TTYH2: variants seen among roughly 807,000 people sequenced by gnomAD.
TTYH2 encodes protein tweety homolog 2.
TTYH2 carries 49 observed loss-of-function variants against 68.3 expected under a neutral mutation model. That is an observed-to-expected ratio of 0.72 (90% CI 0.57 to 0.91). The LOEUF (loss-of-function observed/expected upper bound fraction) is 0.91. TTYH2 is among the 40% of genes least tolerant of loss of function. The probability of loss-of-function intolerance (pLI) is 0.00; values close to 1 mark genes in which losing one functional copy is unlikely to be tolerated. For missense variants in TTYH2, 631 were observed against 700.4 expected, an observed-to-expected ratio of 0.90 and a Z score of 1.12; for synonymous variants, 272 against 300.8, an observed-to-expected ratio of 0.90 and a Z score of 0.99.
Position 74,237,339 on chromosome 17 carries a change from C to G in TTYH2, c.460C>G (p.Leu154Val), listed in dbSNP as rs978563521. Residue 154 changes from leucine (L) to valine (V), a missense_variant, in exon 4 of 14, where the codon CTG becomes GTG. By Grantham distance (32) the Leu-to-Val change is conservative. Transcript: ENST00000269346. ...QKMKVDLEQH[L>V]ARLSEIFAAR... ...GATGAAGGTGGACCTAGAGCAGCAC[C>G]TGGCCCGGCTCAGTGAGATCTTTGC... The G allele has an allele frequency of 6.2e-7, 1 of 1,614,178 alleles. No homozygotes were observed. Among genetic ancestry groups the G allele is most frequent in the Admixed American group, 1.7e-5 (1 of 60,022 alleles).
At chr17:74,226,114 GCAGA>G (rs2050327026) in intron 2 of TTYH2, among the ~76,000 whole-genome samples, 1 of 152,254 alleles carries the variant, frequency 6.6e-6, no homozygotes, top group Non-Finnish European at 1.5e-5. Context: ...GGGAAGAGAA[GCAGA>G]CAGTCAGTTT....
At chr17:74,221,813 A>G (rs1019954255) in intron 1 of TTYH2, among the ~76,000 whole-genome samples, 4 of 151,886 alleles carry the variant, frequency 2.6e-5, no homozygotes, top group African/African-American at 7.2e-5. Flanking sequence ...AGTGGAAGGG[A>G]CTCCAGAAGT....
At chr17:74,219,403 A>AAAAAAAAAAAAAAAAAAAAAG (rs1241503126) in intron 1 of TTYH2, among the ~76,000 whole-genome samples, 6 of 149,648 alleles carry the variant, frequency 4.0e-5, no homozygotes, top group African/African-American at 1.5e-4. Flanking sequence ...AAAAAAAAAA[A>AAAAAAAAAAAAAAAAAAAAAG]GAATAACTTA....
In TTYH2 at chr17:74,252,175, C is replaced by T. The variant is rs571456402; in HGVS notation, c.1117-59C>T. The T allele has an allele frequency of 5.3e-5, 85 of 1,596,948 alleles. No homozygotes were observed. In the African/African-American group the frequency reaches 8.0e-4, roughly 15 times the overall value. On this transcript the variant is annotated intron_variant, in intron 10 of 13. Transcript: ENST00000269346. ...GGAGAGGGACTTCCAGAGGAGAGCT[C>T]GGCCCGCAGGCTTTGCCCCCGCTCC...
Position 74,253,281 on chromosome 17 carries a change from C to T in TTYH2, c.1445+15C>T, listed in dbSNP as rs184142296. On this transcript the variant is annotated intron_variant, in intron 12 of 13. Coordinates refer to ENST00000269346, the MANE Select transcript of TTYH2 (RefSeq NM_032646.6). ...TCCGAGTACATGTACGGCCTGCACA[C>T]ACACCCAGGCTGGGTAGCACTGCCC... 5.0e-5 allele frequency: 79 copies of T among 1,570,366 alleles called. No individual in the cohort carries two copies. In the East Asian group the frequency reaches 1.6e-3, roughly 31 times the overall value.
chr17:74,216,316 G>C (rs1221510874), intron 1 of TTYH2, among the ~76,000 whole-genome samples: 3 of 152,200 alleles, frequency 2.0e-5, no homozygotes, highest in African/African-American at 2.4e-5. Flanking sequence ...AGTGCTGGCT[G>C]TGTGGGGTGT....
chr17:74,223,737 G>C (rs1323580537), intron 2 of TTYH2, among the ~76,000 whole-genome samples: 1 of 152,194 alleles, frequency 6.6e-6, no homozygotes, highest in Admixed American at 6.5e-5. Flanking sequence ...TCACCCCAGA[G>C]AGTAGAGTCT....
At chr17:74,225,364 G>A (rs576830522) in intron 2 of TTYH2, among the ~76,000 whole-genome samples, 70 of 152,240 alleles carry the variant, frequency 4.6e-4, no homozygotes, top group African/African-American at 1.6e-3. Context: ...GGGGCAGATG[G>A]GATTCAAACC....
At chr17:74,248,775 A>G (rs1357030277) in intron 6 of TTYH2, 3 of 1,409,714 alleles carry the variant, frequency 2.1e-6, no homozygotes, top group African/African-American at 2.9e-5. Flanking sequence ...TAGCATTATC[A>G]TCTCCATGTC....
chr17:74,223,054 T>TGTG (rs57177204), intron 2 of TTYH2, among the ~76,000 whole-genome samples: 3,403 of 152,262 alleles, frequency 0.022, 120 homozygotes, highest in African/African-American at 0.078. Context: ...GTGAGATCAA[T>TGTG]AGCTTTTAGT....
At chr17:74,220,429 G>A (rs970140030) in intron 1 of TTYH2, among the ~76,000 whole-genome samples, 5 of 152,178 alleles carry the variant, frequency 3.3e-5, no homozygotes, top group East Asian at 1.9e-4. Context: ...GCTCCAGGGC[G>A]GGGCTAGAGA....
In TTYH2 at chr17:74,232,424, C is replaced by T. The variant is rs532616060; in HGVS notation, c.414+1425C>T. Among the ~76,000 whole-genome samples, 33 of 152,332 alleles carry T rather than the reference C, an allele frequency of 2.2e-4. No homozygotes were observed. The highest frequency in any genetic ancestry group is 7.2e-4 in the Admixed American group (11 of 15,312). On this transcript the variant is annotated intron_variant, in intron 3 of 13. Coordinates refer to ENST00000269346, the MANE Select transcript of TTYH2 (RefSeq NM_032646.6). This position sits in a 1 kb window ranked among gnomAD's most constrained non-coding sequence, Gnocchi z 5.1. ...CGCCCGTGTCCACTGGGACCCATCC[C>T]CTTAGCTGAGCGCTGAGTCCCAGTG...
At chr17:74,245,765 G>T (rs1018354935) in intron 6 of TTYH2, among the ~76,000 whole-genome samples, 1 of 152,354 alleles carries the variant, frequency 6.6e-6, no homozygotes, top group African/African-American at 2.4e-5. Context: ...GGAGGGCGGG[G>T]AGGGCGGCCG....
chr17:74,251,879 T>C (rs2050633589), intron 10 of TTYH2: 1 of 284,624 alleles, frequency 3.5e-6, no homozygotes, highest in East Asian at 9.1e-5. Context: ...GCCAAGCCTG[T>C]CCCCTTTGCC....
In TTYH2 at chr17:74,260,874, G is replaced by C. The variant is rs1185568522; in HGVS notation, c.*665G>C. On this transcript the variant is annotated 3_prime_UTR_variant, in exon 14 of 14. Transcript: ENST00000269346. ...AGGCTGGTGAACCCCGGTGGGAACA[G>C]AGGTGAAAGCCTGCCACATTCCGCC... is the stretch of plus-strand genomic sequence containing the variant. 1.3e-5 allele frequency: 2 copies of C among 153,816 alleles called. No individual in the cohort carries two copies. Among genetic ancestry groups the C allele is most frequent in the Non-Finnish European group, 2.9e-5 (2 of 68,832 alleles). 9.5% of individuals were successfully genotyped at this position (153,816 alleles called of 1,614,324 possible). A position where few individuals can be genotyped will look rare whatever the true frequency, so the allele number is the denominator to read the frequency against.
chr17:74,242,847 C>A (rs1445298496), intron 4 of TTYH2, among the ~76,000 whole-genome samples: 3 of 152,186 alleles, frequency 2.0e-5, no homozygotes, highest in African/African-American at 7.2e-5. Context: ...TGGTCTGATG[C>A]TGTCTGAGAG....
chr17:74,243,545 C>G, intron 5 of TTYH2, 76 bp downstream of exon 5: 1 of 1,503,726 alleles, frequency 6.7e-7, no homozygotes. Context: ...GAGGGCCTGG[C>G]CAGCTCCAGA....
At chr17:74,248,648 G>T in intron 6 of TTYH2, 12 of 1,138,898 alleles carry the variant, frequency 1.1e-5, no homozygotes, top group Non-Finnish European at 1.1e-5. Context: ...CAGCTGCCCT[G>T]GGGCCCAGGA....
rs775772551 is a variant in TTYH2, at chr17:74,222,576, G to A, written c.221G>A (p.Arg74Gln). 1.4e-5 allele frequency: 23 copies of A among 1,612,436 alleles called. No individual in the cohort carries two copies. Among genetic ancestry groups the A allele is most frequent in the South Asian group, 2.2e-5 (2 of 91,078 alleles). The change falls in exon 2 of 14, where the codon CGG becomes CAG. Residue 74 changes from arginine to glutamine, a missense_variant. Coordinates refer to ENST00000269346, the MANE Select transcript of TTYH2 (RefSeq NM_032646.6). The surrounding 1 kb of genome is among the most constrained non-coding windows in gnomAD (Gnocchi z 5.2). ...TACCTGGTCTGTGCATGCCACTGCC[G>A]GCGGGACGATGCGGTGCAGACCAAG... Reference protein sequence around the residue: ...VAYLVCACHCRRDDAVQTKQH... With the variant: ...VAYLVCACHCQRDDAVQTKQH...
Sources: allele counts gnomAD v4.1 joint callset (sites outside exome capture counted in the v4.1 genomes callset), GRCh38; gene constraint gnomAD v4.1.1; non-coding constraint Gnocchi (gnomAD v3.1); transcripts MANE v1.5; gene names NCBI Gene and HGNC (gene_info 2026-07-23, HGNC 2026-07-21).